ODAD2: variants seen among roughly 807,000 people sequenced by gnomAD.
ODAD2 encodes outer dynein arm docking complex subunit 2.
In ODAD2, 89 loss-of-function variants were observed where a neutral mutation model predicts 106.8. The observed-to-expected ratio is 0.83, with a 90% CI of 0.70 to 0.99. The LOEUF is 0.99. Ranked by LOEUF, ODAD2 falls within the 50% of genes least tolerant of loss-of-function variation. ODAD2 has a pLI of 0.00. For missense variants in ODAD2, 1,168 were observed against 1,238.5 expected (o/e 0.94, Z 0.85); for synonymous variants, 404 against 436.2 (o/e 0.93, Z 0.92).
chr10:27,961,648 G>T lies in ODAD2; in HGVS notation c.1306C>A (p.Pro436Thr), dbSNP rs767301278. 1 of 1,609,236 alleles carries T rather than the reference G, an allele frequency of 6.2e-7. No individual in the cohort carries two copies. The highest frequency in any genetic ancestry group is 8.5e-7 in the Non-Finnish European group (1 of 1,175,924). ...SSSESEEDEE[P>T]PDHRQEASAD... ...CTTGCTTCCTGACGATGGTCAGGTG[G>T]TTCTTCATCTTCCTCACTTTCTGAG... Residue 436 changes from proline to threonine, a missense_variant, in exon 10 of 20, where the codon CCA becomes ACA. Physicochemically the swap from Pro to Thr is conservative, Grantham distance 38 (BLOSUM62 -1). This residue lies in a region of ODAD2 where 37 missense variants were observed against 74.1 expected (regional missense o/e 0.50). Transcript: ENST00000305242.
intron 17 of ODAD2, among the ~76,000 whole-genome samples, chr10:27,873,008 C>A (rs534699708): frequency 1.5e-4 from 23 of 152,244 alleles, no homozygotes; most frequent in Middle Eastern, 3.4e-3. Context: ...GGTTGGTAGG[C>A]TATTAATTGT....
chr10:27,955,049 G>T (rs1160080367), intron 10 of ODAD2, among the ~76,000 whole-genome samples: 53 of 152,116 alleles, frequency 3.5e-4, no homozygotes, highest in Non-Finnish European at 7.4e-4. Flanking sequence ...ACTTTTTAAA[G>T]AAAGCTCAAC....
chr10:27,956,658 C>G (rs1426674288), intron 10 of ODAD2, among the ~76,000 whole-genome samples: 1 of 152,152 alleles, frequency 6.6e-6, no homozygotes, highest in Admixed American at 6.5e-5. Flanking sequence ...ATGTTCTCGG[C>G]ATTATTCTAG....
intron 2 of ODAD2, among the ~76,000 whole-genome samples, chr10:27,992,879 AT>A (rs1564585453): frequency 2.6e-5 from 4 of 152,260 alleles, no homozygotes; most frequent in African/African-American, 9.6e-5. Flanking sequence ...CAATCATGAT[AT>A]TCTTTTCTGT....
chr10:27,833,662 T>C (rs1423684237), intron 19 of ODAD2, among the ~76,000 whole-genome samples: 1 of 152,222 alleles, frequency 6.6e-6, no homozygotes, highest in Non-Finnish European at 1.5e-5. Context: ...GTTCATTGCT[T>C]CATTCAACAA....
At chr10:27,953,679 A>G (rs1847522953) in intron 10 of ODAD2, among the ~76,000 whole-genome samples, 1 of 152,196 alleles carries the variant, frequency 6.6e-6, no homozygotes, top group Admixed American at 6.5e-5. Flanking sequence ...AGCAAAATGT[A>G]GAATAAGAAA....
At chr10:27,897,741 A>T (rs985798534) in intron 17 of ODAD2, among the ~76,000 whole-genome samples, 1 of 152,176 alleles carries the variant, frequency 6.6e-6, no homozygotes, top group African/African-American at 2.4e-5. Flanking sequence ...AGATGTGATC[A>T]AGCAGAGATC....
chr10:27,813,367 T>G (rs1835887147), intron 19 of ODAD2: 1 of 152,212 alleles, frequency 6.6e-6, no homozygotes, highest in African/African-American at 2.4e-5. Flanking sequence ...CTCAAATGTC[T>G]GTTGCTACAC....
At chr10:27,988,994 G>A (rs1164517660) in intron 2 of ODAD2, among the ~76,000 whole-genome samples, 9 of 152,104 alleles carry the variant, frequency 5.9e-5, no homozygotes, top group Admixed American at 5.2e-4. Flanking sequence ...TGGAAGCAGC[G>A]GTCAGAGTGA....
intron 17 of ODAD2, among the ~76,000 whole-genome samples, chr10:27,870,689 CT>C (rs1214481826): frequency 3.3e-5 from 5 of 152,078 alleles, no homozygotes; most frequent in Non-Finnish European, 5.9e-5. Flanking sequence ...TGAACTCATC[CT>C]TTTTTATGGC....
intron 17 of ODAD2, among the ~76,000 whole-genome samples, chr10:27,881,029 T>C (rs535015320): frequency 3.3e-5 from 5 of 152,310 alleles, no homozygotes; most frequent in Admixed American, 1.3e-4. Context: ...CTATCAGCAA[T>C]GTGGCTTTCA....
In ODAD2 at chr10:27,850,546, G is replaced by A. The variant is rs551397446; in HGVS notation, c.3021+10079C>T. 7.9e-5 allele frequency among the ~76,000 whole-genome samples: 12 copies of A among 151,280 alleles called. No individual in the cohort carries two copies. The South Asian group carries it at 2.5e-3, about 32-fold the overall frequency. ...CACTCTAGACTGGGTGACAGAGCGA[G>A]ACTCTGTCCCAATAAATAAATAAAC... On this transcript the variant is annotated intron_variant, in intron 19 of 19. Coordinates refer to ENST00000305242, the MANE Select transcript of ODAD2 (RefSeq NM_018076.5).
rs183005523 is a variant in ODAD2, at chr10:27,909,069, T to A, written c.2496-1292A>T. Among the ~76,000 whole-genome samples, 230 of 152,322 alleles carry A rather than the reference T, an allele frequency of 1.5e-3. 1 individual carries two copies. Among genetic ancestry groups the A allele is most frequent in the African/African-American group, 5.1e-3 (214 of 41,594 alleles). ...TAGCACTTCACAATGAAGGATTTGC[T>A]TTTCAAATTTAAATTGAAAAGTCAT... is the stretch of plus-strand genomic sequence containing the variant. On this transcript the variant is annotated intron_variant, in intron 16 of 19. Transcript: ENST00000305242.
At chr10:27,881,142 C>T (rs983797761) in intron 17 of ODAD2, among the ~76,000 whole-genome samples, 3 of 152,140 alleles carry the variant, frequency 2.0e-5, no homozygotes, top group African/African-American at 4.8e-5. Flanking sequence ...ATTAAGCATA[C>T]AGCAAGATGT....
intron 10 of ODAD2, 51 bp from the exon 11 acceptor site, chr10:27,945,013 G>C: frequency 6.3e-7 from 1 of 1,598,300 alleles, no homozygotes; most frequent in African/African-American, 1.3e-5. Flanking sequence ...CATTCCCATA[G>C]AAATGCACTA....
chr10:27,848,698 C>CA (rs746122889), intron 19 of ODAD2, among the ~76,000 whole-genome samples: 1 of 152,088 alleles, frequency 6.6e-6, no homozygotes, highest in Non-Finnish European at 1.5e-5. Context: ...ACAAAAAACT[C>CA]AAACATATTT....
At chr10:27,963,593 TCC>T (rs945285099) in intron 9 of ODAD2, among the ~76,000 whole-genome samples, 7 of 151,902 alleles carry the variant, frequency 4.6e-5, no homozygotes, top group South Asian at 2.1e-4. Flanking sequence ...AAACTATTTT[TCC>T]CCCCACTGGA....
At chr10:27,855,141 C>G (rs1839571019) in intron 19 of ODAD2, among the ~76,000 whole-genome samples, 1 of 151,958 alleles carries the variant, frequency 6.6e-6, no homozygotes, top group Admixed American at 6.6e-5. Flanking sequence ...TCAAAGTGTA[C>G]ACCTTAAAAT....
chr10:27,975,273 G>A (rs963361694), intron 7 of ODAD2, among the ~76,000 whole-genome samples: 22 of 151,996 alleles, frequency 1.4e-4, no homozygotes, highest in African/African-American at 5.1e-4. Context: ...AAAAACTGGA[G>A]AAATAAGAGT....
Sources: allele counts gnomAD v4.1 joint callset (sites outside exome capture counted in the v4.1 genomes callset), GRCh38; gene constraint gnomAD v4.1.1; regional missense constraint gnomAD v4.1.1; transcripts MANE v1.5; gene names NCBI Gene and HGNC (gene_info 2026-07-23, HGNC 2026-07-21).